Variants in EHBP1 observed in about 807,000 individuals in gnomAD.
The protein encoded by EHBP1 is EH domain-binding protein 1.
In EHBP1, 55 loss-of-function variants were observed where a neutral mutation model predicts 144.0. The ratio of observed to expected loss-of-function variants is 0.38; its 90% CI spans 0.31 to 0.48. EHBP1 has a LOEUF of 0.48. Among genes scored for constraint, EHBP1 ranks in the 20% least tolerant of loss-of-function variants. The probability of loss-of-function intolerance (pLI) is 0.98; values close to 1 mark genes in which losing one functional copy is unlikely to be tolerated. For synonymous variants in EHBP1, 469 were observed against 472.7 expected, an observed-to-expected ratio of 0.99 and a Z score of 0.10; for missense variants, 1,200 against 1,364.2, an observed-to-expected ratio of 0.88 and a Z score of 1.90.
chr2:62,837,435 C>T (rs1482147494), intron 7 of EHBP1, among the ~76,000 whole-genome samples: 1 of 151,284 alleles, frequency 6.6e-6, no homozygotes, highest in Non-Finnish European at 1.5e-5. Flanking sequence ...CATCAACTAA[C>T]AAGCAAAATC....
chr2:62,793,314 G>A lies in EHBP1; in HGVS notation c.312+21922G>A, dbSNP rs145949460. ...CAACCACTCACAAAACTGCTTTGCA[G>A]GTGTGAGCTTTGAGGGGACCTCCAT... On this transcript the variant is annotated intron_variant, in intron 5 of 22. Transcript: ENST00000431489. 4.3e-4 allele frequency among the ~76,000 whole-genome samples: 66 copies of A among 152,124 alleles called. 1 individual carries two copies. Among genetic ancestry groups the A allele is most frequent in the African/African-American group, 1.4e-3 (58 of 41,534 alleles).
At position 62,753,121 on chromosome 2, in the gene EHBP1, T is replaced by A. The variant is rs2039916079; in HGVS notation, c.162+5669T>A. 2.6e-5 allele frequency among the ~76,000 whole-genome samples: 4 copies of A among 152,212 alleles called. No individual in the cohort carries two copies. In the South Asian group the frequency reaches 6.2e-4, roughly 24 times the overall value. On this transcript the variant is annotated intron_variant, in intron 3 of 22. Transcript: ENST00000431489. ...TCGATGGTCTTTACAATTTGGCATG[T>A]TTTTACAGTGGCTGGTACTGGTTGT... is the stretch of plus-strand genomic sequence containing the variant.
chr2:62,837,441 A>C (rs1254578490), intron 7 of EHBP1, among the ~76,000 whole-genome samples: 1 of 151,758 alleles, frequency 6.6e-6, no homozygotes, highest in Non-Finnish European at 1.5e-5. Flanking sequence ...CTAACAAGCA[A>C]AATCACCAGC....
intron 5 of EHBP1, among the ~76,000 whole-genome samples, chr2:62,818,610 A>C (rs2045624870): frequency 6.6e-6 from 1 of 152,200 alleles, no homozygotes; most frequent in Admixed American, 6.5e-5. Flanking sequence ...ATATCAGCAA[A>C]GAAGAACTGC....
chr2:62,783,928 A>G (rs1435603459), intron 5 of EHBP1, among the ~76,000 whole-genome samples: 3 of 152,168 alleles, frequency 2.0e-5, no homozygotes, highest in Non-Finnish European at 2.9e-5. Flanking sequence ...AATTTTCCAA[A>G]TGTTTTGCTC....
At chr2:62,903,529 G>A (rs1356192648) in intron 10 of EHBP1, among the ~76,000 whole-genome samples, 5 of 152,150 alleles carry the variant, frequency 3.3e-5, no homozygotes, top group Admixed American at 1.3e-4. Flanking sequence ...TTGGAAGGCC[G>A]AGGTGGGAGG....
chr2:62,747,047 C>T (rs1237029925), intron 2 of EHBP1, among the ~76,000 whole-genome samples: 4 of 152,030 alleles, frequency 2.6e-5, no homozygotes, highest in Non-Finnish European at 4.4e-5. Context: ...GTTTACTTCA[C>T]ATTAAAGGGA....
At chr2:62,712,095 A>G (rs1423509358) in intron 2 of EHBP1, among the ~76,000 whole-genome samples, 1 of 152,156 alleles carries the variant, frequency 6.6e-6, no homozygotes, top group South Asian at 2.1e-4. Flanking sequence ...GGAAAAATGG[A>G]TGATGTGGTG....
At chr2:62,980,495 A>G (rs2058916897) in intron 15 of EHBP1, among the ~76,000 whole-genome samples, 1 of 152,234 alleles carries the variant, frequency 6.6e-6, no homozygotes, top group Admixed American at 6.5e-5. Flanking sequence ...TTCTAGGTCA[A>G]TGATAAGTTT....
intron 1 of EHBP1, among the ~76,000 whole-genome samples, chr2:62,693,002 C>T (rs945848252): frequency 4.6e-5 from 7 of 151,816 alleles, no homozygotes; most frequent in African/African-American, 1.5e-4. Flanking sequence ...TCCTCATGAC[C>T]CCTACCCCTT....
intron 15 of EHBP1, chr2:62,988,148 A>T: frequency 4.6e-6 from 3 of 655,932 alleles, no homozygotes; most frequent in Non-Finnish European, 7.8e-6. Flanking sequence ...ATTACATCTT[A>T]TGGCCTCATA....
chr2:62,875,234 C>A (rs1269122412), intron 10 of EHBP1, among the ~76,000 whole-genome samples: 1 of 152,220 alleles, frequency 6.6e-6, no homozygotes, highest in African/African-American at 2.4e-5. Flanking sequence ...GCCAGCACCC[C>A]ACATCAGAGT....
chr2:62,712,792 A>G (rs2151851948), intron 2 of EHBP1, among the ~76,000 whole-genome samples: 1 of 152,294 alleles, frequency 6.6e-6, no homozygotes, highest in Non-Finnish European at 1.5e-5. Flanking sequence ...GGGAGGTGGA[A>G]GAGTGTGAGA....
chr2:62,863,897 A>T (rs2049839621), intron 8 of EHBP1, among the ~76,000 whole-genome samples: 2 of 114,160 alleles, frequency 1.8e-5, no homozygotes, highest in South Asian at 5.5e-4. Flanking sequence ...CCCAGACTAT[A>T]GTTCAGTGGC....
intron 8 of EHBP1, among the ~76,000 whole-genome samples, chr2:62,860,853 C>A (rs891623563): frequency 3.9e-5 from 6 of 152,084 alleles, no homozygotes; most frequent in African/African-American, 1.2e-4. Flanking sequence ...GTAAGCCAGC[C>A]TGATTCAGAA....
intron 2 of EHBP1, among the ~76,000 whole-genome samples, chr2:62,741,875 A>G (rs2038743036): frequency 6.6e-6 from 1 of 152,224 alleles, no homozygotes; most frequent in Non-Finnish European, 1.5e-5. Context: ...TATTAGGTAT[A>G]GTAATCTAGA....
intron 2 of EHBP1, among the ~76,000 whole-genome samples, chr2:62,738,877 G>A (rs138932284): frequency 3.3e-5 from 5 of 151,870 alleles, no homozygotes; most frequent in Non-Finnish European, 5.9e-5. Context: ...ATATTGTCTC[G>A]GCTTCCTTCA....
chr2:62,932,746 G>C (rs1017017074), intron 10 of EHBP1, among the ~76,000 whole-genome samples: 1 of 152,096 alleles, frequency 6.6e-6, no homozygotes, highest in Non-Finnish European at 1.5e-5. Context: ...TTGAGATCAG[G>C]AGTTTGAGAC....
At chr2:62,851,461 C>G (rs1243793341) in intron 7 of EHBP1, among the ~76,000 whole-genome samples, 2 of 152,148 alleles carry the variant, frequency 1.3e-5, no homozygotes, top group Non-Finnish European at 2.9e-5. Flanking sequence ...ATCCAGAAAG[C>G]CCTCCTAACC....
Sources: allele counts gnomAD v4.1 joint callset (sites outside exome capture counted in the v4.1 genomes callset), GRCh38; gene constraint gnomAD v4.1.1; transcripts MANE v1.5; gene names NCBI Gene and HGNC (gene_info 2026-07-23, HGNC 2026-07-21).